NEGR1: variants seen among roughly 807,000 people sequenced by gnomAD.
NEGR1 encodes the protein neuronal growth regulator 1.
NEGR1 carries 10 observed loss-of-function variants against 40.9 expected under a neutral mutation model. The ratio of observed to expected loss-of-function variants is 0.24; its 90% CI spans 0.15 to 0.42. NEGR1 has a LOEUF of 0.42. Among genes scored for constraint, NEGR1 ranks in the 10% least tolerant of loss-of-function variants. NEGR1 has a pLI of 1.00. For missense variants in NEGR1, 352 were observed against 438.9 expected (o/e 0.80, Z 1.77); for synonymous variants, 185 against 166.8 (o/e 1.11, Z -0.84).
At chr1:72,065,617 C>G (rs777113531) in intron 1 of NEGR1, among the ~76,000 whole-genome samples, 3 of 152,088 alleles carry the variant, frequency 2.0e-5, no homozygotes, top group Non-Finnish European at 4.4e-5. Flanking sequence ...GTTTGCCCCA[C>G]TGTTCTGTTA....
chr1:71,421,120 G>A (rs1279983753), intron 6 of NEGR1, among the ~76,000 whole-genome samples: 4 of 151,830 alleles, frequency 2.6e-5, no homozygotes, highest in African/African-American at 7.3e-5. Flanking sequence ...TAATAAATAC[G>A]TATTGATCAA....
chr1:71,566,330 AT>A (rs1648618802), intron 6 of NEGR1, among the ~76,000 whole-genome samples: 3 of 152,174 alleles, frequency 2.0e-5, no homozygotes, highest in Admixed American at 2.0e-4. Flanking sequence ...AGGGTAAAAC[AT>A]TTTATAGTAT....
chr1:72,110,221 TAA>T (rs57618301), intron 1 of NEGR1, among the ~76,000 whole-genome samples: 7,149 of 106,986 alleles, frequency 0.067, 385 homozygotes, highest in African/African-American at 0.18. Flanking sequence ...TAGAGTATAA[TAA>T]AAAAAAAAAA....
At chr1:72,007,108 C>T (rs1164167875) in intron 1 of NEGR1, among the ~76,000 whole-genome samples, 1 of 151,992 alleles carries the variant, frequency 6.6e-6, no homozygotes, top group African/African-American at 2.4e-5. Flanking sequence ...TACATATTAA[C>T]ACTGCAGCAA....
chr1:71,991,803 T>C (rs1347105363), intron 1 of NEGR1, among the ~76,000 whole-genome samples: 4 of 152,106 alleles, frequency 2.6e-5, no homozygotes, highest in Non-Finnish European at 5.9e-5. Flanking sequence ...TGTTTGTTTG[T>C]TTGTTTGAGA....
chr1:71,905,011 T>C (rs1014284870), intron 2 of NEGR1, among the ~76,000 whole-genome samples: 24 of 152,110 alleles, frequency 1.6e-4, no homozygotes, highest in Non-Finnish European at 2.6e-4. Context: ...TAATTCTCTA[T>C]ATATTTAGAA....
chr1:71,721,149 C>T (rs926305731), intron 3 of NEGR1, among the ~76,000 whole-genome samples: 2 of 152,100 alleles, frequency 1.3e-5, no homozygotes, highest in Admixed American at 6.6e-5. Context: ...TAATTTTAGT[C>T]TTAACACTTG....
chr1:71,835,988 C>T (rs1199610774), intron 2 of NEGR1, among the ~76,000 whole-genome samples: 1 of 151,922 alleles, frequency 6.6e-6, no homozygotes, highest in Non-Finnish European at 1.5e-5. Context: ...GACATAAAAT[C>T]ATAGGAATTC....
At chr1:71,651,833 C>T (rs760112263) in intron 4 of NEGR1, among the ~76,000 whole-genome samples, 8 of 152,184 alleles carry the variant, frequency 5.3e-5, no homozygotes, top group East Asian at 1.9e-4. Context: ...ATTTTTCATA[C>T]GTTATTGAAT....
chr1:72,108,585 G>GT (rs539045986), intron 1 of NEGR1, among the ~76,000 whole-genome samples: 33 of 151,560 alleles, frequency 2.2e-4, no homozygotes, highest in Non-Finnish European at 4.1e-4. Flanking sequence ...CATATGACTT[G>GT]TTTAGCAGAA....
Position 72,216,463 on chromosome 1 carries a change from T to G in NEGR1, c.176+65856A>C, listed in dbSNP as rs144580346. Among the ~76,000 whole-genome samples the G allele has an allele frequency of 6.0e-3, 883 of 146,168 alleles. 10 individuals are homozygous for G. Among genetic ancestry groups the G allele is most frequent in the Non-Finnish European group, 9.3e-3 (622 of 67,162 alleles). ...TATATATATGTAGCTAGTGGAAATA[T>G]AAAATATATTTTCATTTATGAATAA... On this transcript the variant is annotated intron_variant, in intron 1 of 6. Transcript: ENST00000357731.
rs563566647 is a variant in NEGR1 at position 71,444,664 on chromosome 1, C to A, written c.941-37094G>T. 2.6e-5 allele frequency among the ~76,000 whole-genome samples: 4 copies of A among 152,208 alleles called. No homozygotes were observed. The East Asian group carries it at 7.7e-4, about 29-fold the overall frequency. On this transcript the variant is annotated intron_variant, in intron 6 of 6. Coordinates refer to ENST00000357731, the MANE Select transcript of NEGR1 (RefSeq NM_173808.3). ...CTACTGCTGCAAAGTTAAATCTTTG[C>A]AGCAAAGTTGAGTATTTGTCAGAGA...
intron 4 of NEGR1, among the ~76,000 whole-genome samples, chr1:71,690,108 C>T (rs1557614612): frequency 6.6e-6 from 1 of 152,072 alleles, no homozygotes; most frequent in South Asian, 2.1e-4. Context: ...CTAATCATTC[C>T]ACTTCTCTCC....
chr1:71,784,963 A>T (rs1056662995), intron 2 of NEGR1, among the ~76,000 whole-genome samples: 1 of 152,198 alleles, frequency 6.6e-6, no homozygotes, highest in East Asian at 1.9e-4. Flanking sequence ...AAAACACAAC[A>T]TGGTTACACA....
chr1:71,430,763 G>A (rs1646461064), intron 6 of NEGR1, among the ~76,000 whole-genome samples: 1 of 146,028 alleles, frequency 6.8e-6, no homozygotes, highest in Non-Finnish European at 1.5e-5. Flanking sequence ...CTGGAGTGCA[G>A]TGGCGCGATC....
intron 6 of NEGR1, among the ~76,000 whole-genome samples, chr1:71,509,046 TA>T (rs1276707357): frequency 2.0e-5 from 3 of 152,082 alleles, no homozygotes; most frequent in African/African-American, 7.2e-5. Context: ...CATAAAAGGA[TA>T]AAAATAAGGT....
chr1:71,487,434 T>C (rs1172748760), intron 6 of NEGR1, among the ~76,000 whole-genome samples: 18 of 151,722 alleles, frequency 1.2e-4, no homozygotes, highest in Admixed American at 1.1e-3. Context: ...CCCCTCTGAT[T>C]ATTTTGGTCC....
intron 1 of NEGR1, among the ~76,000 whole-genome samples, chr1:72,067,325 A>C (rs1324627931): frequency 6.6e-6 from 1 of 152,136 alleles, no homozygotes; most frequent in South Asian, 2.1e-4. Flanking sequence ...TTCTGCTCAA[A>C]CTGGTTTGTA....
intron 1 of NEGR1, among the ~76,000 whole-genome samples, chr1:71,965,580 T>C (rs1329633391): frequency 6.6e-6 from 1 of 152,190 alleles, no homozygotes; most frequent in Admixed American, 6.5e-5. Flanking sequence ...CTTTATTTAT[T>C]CATGGAAATG....
Sources: allele counts gnomAD v4.1 joint callset (sites outside exome capture counted in the v4.1 genomes callset), GRCh38; gene constraint gnomAD v4.1.1; transcripts MANE v1.5; gene names NCBI Gene and HGNC (gene_info 2026-07-23, HGNC 2026-07-21).